The following SLC4A4 variants were observed in gnomAD, a reference collection of about 807,000 sequenced individuals.
SLC4A4 encodes the protein solute carrier family 4 member 4, also known as electrogenic sodium bicarbonate cotransporter 1.
In SLC4A4, 27 loss-of-function variants were observed where a neutral mutation model predicts 111.5. That is an observed-to-expected ratio of 0.24 (90% CI 0.18 to 0.33). The LOEUF (loss-of-function observed/expected upper bound fraction) is 0.33, where lower values mean the gene tolerates loss of function less well. SLC4A4 is among the 10% of genes least tolerant of loss of function. The pLI is 1.00. For missense variants in SLC4A4, 909 were observed against 1,315.5 expected, an observed-to-expected ratio of 0.69 and a Z score of 4.78; for synonymous variants, 443 against 463.4, an observed-to-expected ratio of 0.96 and a Z score of 0.57.
intron 1 of SLC4A4, among the ~76,000 whole-genome samples, chr4:71,078,163 C>T (rs1741895900): frequency 6.6e-6 from 1 of 151,950 alleles, no homozygotes; most frequent in Non-Finnish European, 1.5e-5. Context: ...TTAACCAACA[C>T]ATTGTGGGCC....
chr4:71,202,234 G>A (rs1006548232), intron 1 of SLC4A4, among the ~76,000 whole-genome samples: 1 of 152,136 alleles, frequency 6.6e-6, no homozygotes, highest in Non-Finnish European at 1.5e-5. Flanking sequence ...CAAATCACCT[G>A]GAATGTTTTA....
At chr4:71,237,866 C>T (rs1578650163) in intron 2 of SLC4A4, among the ~76,000 whole-genome samples, 1 of 152,230 alleles carries the variant, frequency 6.6e-6, no homozygotes, top group East Asian at 1.9e-4. Flanking sequence ...CTTAGGAAAA[C>T]GGAAACTACA....
At chr4:71,365,764 TTAG>T (rs1350750289) in intron 6 of SLC4A4, among the ~76,000 whole-genome samples, 1 of 152,180 alleles carries the variant, frequency 6.6e-6, no homozygotes, top group Non-Finnish European at 1.5e-5. Flanking sequence ...ATTAACTATA[TTAG>T]TAGTAGAAAT....
At chr4:71,434,971 A>G (rs1165907708) in intron 7 of SLC4A4, among the ~76,000 whole-genome samples, 2 of 152,220 alleles carry the variant, frequency 1.3e-5, no homozygotes, top group Non-Finnish European at 2.9e-5. Context: ...AATAATCAAT[A>G]TTGTGAAAAT....
chr4:71,510,787 G>A (rs545930096), intron 16 of SLC4A4, among the ~76,000 whole-genome samples: 21 of 151,990 alleles, frequency 1.4e-4, no homozygotes, highest in East Asian at 5.8e-4. Context: ...TAGATTCTTC[G>A]TTCTTTCCTT....
chr4:71,417,159 C>T (rs749755965), intron 7 of SLC4A4, among the ~76,000 whole-genome samples: 3 of 152,168 alleles, frequency 2.0e-5, no homozygotes, highest in Non-Finnish European at 4.4e-5. Flanking sequence ...ATTGCAAGGC[C>T]TTGGCTTTGT....
intron 15 of SLC4A4, among the ~76,000 whole-genome samples, chr4:71,490,547 C>G (rs185059146): frequency 6.6e-6 from 1 of 151,810 alleles, no homozygotes; most frequent in Non-Finnish European, 1.5e-5. Context: ...CTTCAGATGG[C>G]AGATACCTGA....
chr4:71,345,687 G>A (rs1225419521), intron 4 of SLC4A4, among the ~76,000 whole-genome samples: 1 of 152,018 alleles, frequency 6.6e-6, no homozygotes, highest in African/African-American at 2.4e-5. Flanking sequence ...CTTATACTGT[G>A]GGTTTGGGCA....
At position 71,337,197 on chromosome 4, in the gene SLC4A4, G is replaced by A. The variant is rs535063138; in HGVS notation, c.254-2173G>A. Among the ~76,000 whole-genome samples, 12 of 152,288 alleles carry A rather than the reference G, an allele frequency of 7.9e-5. No homozygotes were observed. In the South Asian group the frequency reaches 2.5e-3, roughly 32 times the overall value. On this transcript the variant is annotated intron_variant, in intron 3 of 25. Coordinates refer to ENST00000264485, the MANE Select transcript of SLC4A4 (RefSeq NM_001098484.3). ...TATGAAATTACTATTAATATACCAT[G>A]TTAACTGAAATTTGAACTGTATTGT...
At chr4:71,238,342 C>T (rs2602068) in intron 2 of SLC4A4, among the ~76,000 whole-genome samples, 1 of 152,140 alleles carries the variant, frequency 6.6e-6, no homozygotes, top group Non-Finnish European at 1.5e-5. Context: ...GTTTCCTGAA[C>T]TATTTCCCTT....
intron 3 of SLC4A4, among the ~76,000 whole-genome samples, chr4:71,278,554 T>C (rs1723251595): frequency 2.0e-5 from 3 of 152,220 alleles, no homozygotes; most frequent in Admixed American, 1.3e-4. Context: ...CCAGTTTACA[T>C]TTCTGCCACC....
chr4:71,289,529 G>C (rs1481186386), intron 3 of SLC4A4, among the ~76,000 whole-genome samples: 2 of 152,166 alleles, frequency 1.3e-5, no homozygotes, highest in African/African-American at 4.8e-5. Context: ...GAGAGAGAAC[G>C]TGTACATCCA....
chr4:71,440,863 T>C (rs1358168172), intron 8 of SLC4A4, 90 bp downstream of exon 8: 20 of 1,427,836 alleles, frequency 1.4e-5, no homozygotes, highest in Admixed American at 1.7e-5. Context: ...TGAGGAAATA[T>C]TTAGTGCAAA....
At chr4:71,228,623 C>T (rs1307306391) in intron 1 of SLC4A4, among the ~76,000 whole-genome samples, 1 of 152,158 alleles carries the variant, frequency 6.6e-6, no homozygotes, top group Non-Finnish European at 1.5e-5. Context: ...CCTGATTCTG[C>T]ATGTGTGTTG....
intron 1 of SLC4A4, among the ~76,000 whole-genome samples, chr4:71,091,999 T>C (rs1372226029): frequency 6.6e-6 from 1 of 152,208 alleles, no homozygotes; most frequent in African/African-American, 2.4e-5. Context: ...AGTAATAAAA[T>C]GTAGTGGCCA....
chr4:71,168,933 T>C (rs1225194977), intron 2 of SLC4A4, among the ~76,000 whole-genome samples: 2 of 152,228 alleles, frequency 1.3e-5, no homozygotes, highest in Non-Finnish European at 2.9e-5. Flanking sequence ...AGATATCTCT[T>C]TGATATATTG....
intron 7 of SLC4A4, among the ~76,000 whole-genome samples, chr4:71,400,875 G>T (rs1387201998): frequency 2.0e-5 from 3 of 152,036 alleles, no homozygotes; most frequent in African/African-American, 7.2e-5. Flanking sequence ...AAAAAAAAAG[G>T]TTTCCAGGCT....
intron 6 of SLC4A4, among the ~76,000 whole-genome samples, chr4:71,378,613 G>A (rs1486723554): frequency 5.9e-5 from 9 of 152,312 alleles, no homozygotes; most frequent in Non-Finnish European, 1.0e-4. Context: ...ACTTGAATTC[G>A]TTTGTCTGTG....
chr4:71,484,905 C>A (rs1207081832), intron 14 of SLC4A4, among the ~76,000 whole-genome samples: 2 of 151,490 alleles, frequency 1.3e-5, no homozygotes, highest in Non-Finnish European at 3.0e-5. Flanking sequence ...GGCATTTATT[C>A]TTTTTGTGGC....
Sources: allele counts gnomAD v4.1 joint callset (sites outside exome capture counted in the v4.1 genomes callset), GRCh38; gene constraint gnomAD v4.1.1; transcripts MANE v1.5; gene names NCBI Gene and HGNC (gene_info 2026-07-23, HGNC 2026-07-21).